NECAB2: variants seen among roughly 807,000 people sequenced by gnomAD.
The protein encoded by NECAB2 is N-terminal EF-hand calcium-binding protein 2.
NECAB2 carries 68 observed loss-of-function variants against 51.9 expected under a neutral mutation model. The ratio of observed to expected loss-of-function variants is 1.31; its 90% CI spans 1.08 to 1.60. NECAB2 has a LOEUF of 1.60. Among genes scored for constraint, NECAB2 ranks in the 40% most tolerant of loss-of-function variants. The pLI, the probability that NECAB2 is intolerant of heterozygous loss-of-function variation, is 0.00. For synonymous variants in NECAB2, 329 were observed against 203.5 expected (o/e 1.62, Z -5.25); for missense variants, 854 against 490.3 (o/e 1.74, Z -7.00).
intron 4 of NECAB2, 52 bp downstream of exon 4, chr16:83,980,916 G>T (rs781164602): frequency 3.1e-6 from 5 of 1,612,714 alleles, no homozygotes; most frequent in Non-Finnish European, 3.4e-6. Flanking sequence ...GATGGGGCTG[G>T]ATGAGAAGGG....
intron 5 of NECAB2, among the ~76,000 whole-genome samples, chr16:83,982,615 C>A (rs1476219697): frequency 6.6e-6 from 1 of 152,200 alleles, no homozygotes; most frequent in African/African-American, 2.4e-5. Context: ...GGGCCCACGT[C>A]CTAGCCATGC....
chr16:83,972,074 C>G, intron 1 of NECAB2, 77 bp from the exon 2 acceptor site: 2 of 1,587,784 alleles, frequency 1.3e-6, no homozygotes, highest in Non-Finnish European at 1.7e-6. Context: ...GAGAAGGATC[C>G]CAGTATCCGG....
At chr16:83,992,367 C>G (rs890247722) in intron 6 of NECAB2, among the ~76,000 whole-genome samples, 13 of 131,918 alleles carry the variant, frequency 9.9e-5, no homozygotes, top group African/African-American at 3.3e-4. Flanking sequence ...CCGGGGAACA[C>G]GAGCACCCGT....
rs555511503 is a variant in NECAB2, at chr16:84,002,381, C to T, written c.*35C>T. On this transcript the variant is annotated 3_prime_UTR_variant, in exon 13 of 13. Coordinates refer to ENST00000305202, the MANE Select transcript of NECAB2 (RefSeq NM_019065.3). ...AGAGGCCCGTGGAGGAGCCCACCAGCCCCTTCTTCTTGTGAAGGAAATCCC... is the reference window on the plus strand; with the variant it reads ...AGAGGCCCGTGGAGGAGCCCACCAGTCCCTTCTTCTTGTGAAGGAAATCCC... The T allele has an allele frequency of 8.1e-6, 13 of 1,607,398 alleles. No homozygotes were observed. The South Asian group carries it at 1.4e-4, about 18-fold the overall frequency.
intron 4 of NECAB2, 26 bp from the exon 5 acceptor site, chr16:83,981,004 C>G (rs201516298): frequency 3.7e-6 from 6 of 1,611,550 alleles, no homozygotes; most frequent in Admixed American, 1.7e-5. Flanking sequence ...ACCTGTGACC[C>G]CTGACCTTTG....
chr16:83,999,150 G>C (rs982335190), intron 10 of NECAB2, among the ~76,000 whole-genome samples: 1 of 152,184 alleles, frequency 6.6e-6, no homozygotes, highest in Non-Finnish European at 1.5e-5. Flanking sequence ...GTGCACTGAG[G>C]CTTGAGTGAC....
chr16:83,972,031 G>C, intron 1 of NECAB2, 120 bp from the exon 2 acceptor site: 2 of 1,378,198 alleles, frequency 1.5e-6, no homozygotes, highest in Admixed American at 1.9e-5. Flanking sequence ...GGGGGGCTCA[G>C]CTTCCCAGGA....
chr16:83,988,603 C>G (rs1194542576), intron 5 of NECAB2, among the ~76,000 whole-genome samples: 2 of 152,158 alleles, frequency 1.3e-5, no homozygotes, highest in Non-Finnish European at 2.9e-5. Flanking sequence ...ATAACTTCCC[C>G]ATATGAAGAA....
At chr16:84,001,571 A>G (rs952199430) in intron 11 of NECAB2, among the ~76,000 whole-genome samples, 5 of 152,084 alleles carry the variant, frequency 3.3e-5, no homozygotes, top group African/African-American at 9.7e-5. Flanking sequence ...AGGGGGAGGT[A>G]GAGGCTCTGT....
intron 8 of NECAB2, 25 bp downstream of exon 8, chr16:83,994,713 T>C: frequency 8.7e-6 from 14 of 1,612,778 alleles, no homozygotes; most frequent in Non-Finnish European, 1.0e-5. Context: ...GACCACGGCG[T>C]CTACTCCTTC....
intron 10 of NECAB2, among the ~76,000 whole-genome samples, chr16:84,000,390 G>T (rs550651055): frequency 1.3e-5 from 2 of 151,194 alleles, no homozygotes; most frequent in African/African-American, 4.9e-5. Flanking sequence ...GAATTAGGCC[G>T]AGTGGTGCAC....
upstream of NECAB2, chr16:83,965,382 C>A: frequency 6.4e-7 from 1 of 1,573,986 alleles, no homozygotes. Context: ...CATGAGCTGT[C>A]TGCCCTGGAG....
intron 10 of NECAB2, among the ~76,000 whole-genome samples, chr16:83,999,351 T>A (rs1002335424): frequency 5.3e-5 from 8 of 152,100 alleles, no homozygotes; most frequent in Non-Finnish European, 1.2e-4. Context: ...ATTACGTGAA[T>A]AAGTGGGAGG....
At chr16:83,992,512 C>T (rs1436061764) in intron 6 of NECAB2, among the ~76,000 whole-genome samples, 2 of 152,008 alleles carry the variant, frequency 1.3e-5, no homozygotes. Flanking sequence ...AGCCAGGTGT[C>T]GGCACCCAAG....
Position 83,992,377 on chromosome 16 carries a change from T to TCCC in NECAB2, c.596+1751_596+1753dup, listed in dbSNP as rs60014664. 9.6e-3 allele frequency among the ~76,000 whole-genome samples: 1,276 copies of TCCC among 132,844 alleles called. 30 individuals are homozygous for TCCC. The highest frequency in any genetic ancestry group is 0.03 in the African/African-American group (927 of 31,296). The allele number at this position is 132,844 out of a possible 152,430, so 87.2% of individuals were successfully genotyped here. ...ATCTCCCGGGGAACACGAGCACCCGTCCCCCCGCCCACCTCCATTTGCTGT... is the reference window on the plus strand; with the variant it reads ...ATCTCCCGGGGAACACGAGCACCCGTCCCCCCCCCGCCCACCTCCATTTGCTGT... On this transcript the variant is annotated intron_variant, in intron 6 of 12. Coordinates refer to ENST00000305202, the MANE Select transcript of NECAB2 (RefSeq NM_019065.3).
At chr16:83,986,005 A>AT (rs1432917725) in intron 5 of NECAB2, among the ~76,000 whole-genome samples, 7 of 151,972 alleles carry the variant, frequency 4.6e-5, no homozygotes, top group Non-Finnish European at 4.4e-5. Flanking sequence ...CACATCAAAT[A>AT]TTTTTTCTTG....
At position 83,994,613 on chromosome 16, in the gene NECAB2, G is replaced by A. The variant is rs758790640; in HGVS notation, c.720G>A (p.Thr240=). Residue 240 remains threonine (T), a synonymous_variant, in exon 8 of 13, where the codon ACG becomes ACA. Coordinates refer to ENST00000305202, the MANE Select transcript of NECAB2 (RefSeq NM_019065.3). ...MEQGKTLPSA[T]EDAKEEGLEA... is the part of the protein sequence containing the mutation. ...GTGTCTCTTTCTCTACCGCAGCCAC[G>A]GAGGATGCAAAGGAAGAGGGTCTGG... The A allele has an allele frequency of 8.1e-6, 13 of 1,613,988 alleles. No individual in the cohort carries two copies. The highest frequency in any genetic ancestry group is 4.4e-5 in the South Asian group (4 of 91,078).
At chr16:83,993,202 C>T (rs1269061807) in intron 6 of NECAB2, among the ~76,000 whole-genome samples, 1 of 152,132 alleles carries the variant, frequency 6.6e-6, no homozygotes. Context: ...TCACCTCTAG[C>T]ACAGGCTACT....
intron 2 of NECAB2, among the ~76,000 whole-genome samples, chr16:83,973,244 C>G (rs889633): frequency 0.29 from 44,388 of 152,252 alleles, 12,152 homozygotes; most frequent in African/African-American, 0.73. Context: ...GCACAAGCTG[C>G]AGTTGAGGGT....
Sources: gnomAD v4.1 joint callset for allele counts (sites outside exome capture counted in the v4.1 genomes callset) on GRCh38, gnomAD v4.1.1 for gene constraint, MANE v1.5 for transcripts, NCBI Gene and HGNC (gene_info 2026-07-23, HGNC 2026-07-21) for gene names.